MCFD2: variants seen among roughly 807,000 people sequenced by gnomAD.
The protein encoded by MCFD2 is multiple coagulation factor deficiency protein 2.
A neutral mutation model predicts 12.8 loss-of-function variants in MCFD2; 11 were observed. The ratio of observed to expected loss-of-function variants is 0.86; its 90% CI spans 0.54 to 1.42. MCFD2 has a LOEUF of 1.42. MCFD2 is among the 40% of genes most tolerant of loss of function. The probability of loss-of-function intolerance (pLI) is 0.00; values close to 1 mark genes in which losing one functional copy is unlikely to be tolerated. For missense variants in MCFD2, 191 were observed against 178.6 expected, an observed-to-expected ratio of 1.07 and a Z score of -0.40; for synonymous variants, 70 against 68.1, an observed-to-expected ratio of 1.03 and a Z score of -0.14.
chr2:46,921,812 T>C (rs1669118496), intron 1 of MCFD2, among the ~76,000 whole-genome samples: 1 of 152,278 alleles, frequency 6.6e-6, no homozygotes, highest in East Asian at 1.9e-4. Flanking sequence ...ATCCCTTACA[T>C]GCGCAGTTCA....
chr2:46,915,806 G>GCCCC (rs1353981164), upstream of MCFD2: 3 of 512,322 alleles, frequency 5.9e-6, no homozygotes, highest in Admixed American at 7.8e-4. Flanking sequence ...CCTCGGCTTC[G>GCCCC]CCCCGCCCCC....
In MCFD2 at chr2:46,908,763, C is replaced by A. The variant is rs1231928872; in HGVS notation, c.149+260G>T. 5.7e-6 allele frequency: 3 copies of A among 528,352 alleles called. No homozygotes were observed. Among genetic ancestry groups the A allele is most frequent in the Non-Finnish European group, 1.0e-5 (3 of 291,752 alleles). 32.7% of individuals were successfully genotyped at this position (528,352 alleles called of 1,614,324 possible). On this transcript the variant is annotated intron_variant, in intron 2 of 3. Coordinates refer to ENST00000319466, the MANE Select transcript of MCFD2 (RefSeq NM_139279.6). The surrounding 1 kb of genome is among the most constrained non-coding windows in gnomAD (Gnocchi z 4.5). Reference sequence around the variant, plus strand: ...TCTATTTGTATGTGTGTGTGTCTGTCTGTGGTGAAAAAAAGGAGAGACCGG... The same window carrying A: ...TCTATTTGTATGTGTGTGTGTCTGTATGTGGTGAAAAAAAGGAGAGACCGG...
intron 1 of MCFD2, among the ~76,000 whole-genome samples, chr2:46,938,271 GAC>G (rs1489746727): frequency 1.2e-4 from 19 of 152,206 alleles, no homozygotes; most frequent in East Asian, 7.7e-4. Context: ...AAACGTAAAG[GAC>G]AACCTTACAA....
upstream of MCFD2, chr2:46,915,927 C>G: frequency 2.0e-6 from 2 of 985,274 alleles, no homozygotes; most frequent in Non-Finnish European, 2.4e-6. Flanking sequence ...TCGCGTGAGT[C>G]CACGTGTAAT....
At chr2:46,912,661 G>A (rs1321060614) in intron 1 of MCFD2, 1 of 152,250 alleles carries the variant, frequency 6.6e-6, no homozygotes, top group Non-Finnish European at 1.5e-5. Flanking sequence ...GATGACAGCT[G>A]CAAATTAATT....
At chr2:46,922,037 T>G (rs1314746517) in intron 1 of MCFD2, among the ~76,000 whole-genome samples, 1 of 152,212 alleles carries the variant, frequency 6.6e-6, no homozygotes, top group Non-Finnish European at 1.5e-5. Context: ...GATAAGTTTT[T>G]GGATTTTTTT....
chr2:46,931,529 C>G (rs1558480205), intron 1 of MCFD2, among the ~76,000 whole-genome samples: 1 of 151,976 alleles, frequency 6.6e-6, no homozygotes, highest in African/African-American at 2.4e-5. Flanking sequence ...GGGTCAGAGT[C>G]AGAGTAGAGG....
chr2:46,907,645 C>T lies in MCFD2; in HGVS notation c.309+165G>A. 2.7e-6 allele frequency: 2 copies of T among 731,586 alleles called. No individual in the cohort carries two copies. Among genetic ancestry groups the T allele is most frequent in the Non-Finnish European group, 4.7e-6 (2 of 421,964 alleles). The allele number at this position is 731,586 out of a possible 1,614,324, so 45.3% of individuals were successfully genotyped here. ...ACTCCTGGCTCAAGTGATCCTTCCA[C>T]TTTGGCCTCCCAAAGTGCTGGGATT... On this transcript the variant is annotated intron_variant, in intron 3 of 3. Coordinates refer to ENST00000319466, the MANE Select transcript of MCFD2 (RefSeq NM_139279.6). The surrounding 1 kb of genome is among the most constrained non-coding windows in gnomAD (Gnocchi z 4.1).
Position 46,909,080 on chromosome 2 carries a change from G to T in MCFD2, c.92C>A (p.Ala31Asp). Residue 31 changes from alanine (A) to aspartate (D), a missense_variant, in exon 2 of 4, where the codon GCC becomes GAC. Physicochemically the swap from Ala to Asp is moderately radical, Grantham distance 126. Transcript: ENST00000319466. ...CATGCTGCCGGGTTGGGAGAAGCTG[G>T]CTGCAGGCTCCTCAGCCCTGGCGCC... Reference protein sequence around the residue: ...APGARAEEPAASFSQPGSMGL... With the variant: ...APGARAEEPADSFSQPGSMGL... 1.2e-6 allele frequency: 2 copies of T among 1,614,256 alleles called. No individual in the cohort carries two copies. Among genetic ancestry groups the T allele is most frequent in the South Asian group, 2.2e-5 (2 of 91,090 alleles).
At chr2:46,924,268 C>T (rs1669271608) in intron 1 of MCFD2, among the ~76,000 whole-genome samples, 2 of 151,454 alleles carry the variant, frequency 1.3e-5, no homozygotes, top group South Asian at 4.2e-4. Flanking sequence ...CCCTGTAAAC[C>T]AGTAAAACTG....
chr2:46,911,829 G>A (rs1032790220), intron 1 of MCFD2, among the ~76,000 whole-genome samples: 30 of 152,120 alleles, frequency 2.0e-4, no homozygotes, highest in Admixed American at 1.7e-3. Context: ...GGGAGGCTGC[G>A]GCAGGAGAAT....
In MCFD2 at chr2:46,940,173, T is replaced by TC. The variant is rs994366684; in HGVS notation, c.-8+1398dup. On this transcript the variant is annotated intron_variant, in intron 1 of 2. Transcript: ENST00000409147. The surrounding 1 kb of genome is among the most constrained non-coding windows in gnomAD (Gnocchi z 4.7). Reference sequence around the variant, plus strand: ...TTCTGCTTGACATAAAAACCTTCCCTCGGTTACAGTTGTCCAAAAACACTT... The same window carrying TC: ...TTCTGCTTGACATAAAAACCTTCCCTCCGGTTACAGTTGTCCAAAAACACTT... 5.3e-5 allele frequency among the ~76,000 whole-genome samples: 8 copies of TC among 151,906 alleles called. No homozygotes were observed. Among genetic ancestry groups the TC allele is most frequent in the African/African-American group, 1.9e-4 (8 of 41,324 alleles).
chr2:46,924,927 C>T (rs886796047), intron 1 of MCFD2, among the ~76,000 whole-genome samples: 1 of 152,204 alleles, frequency 6.6e-6, no homozygotes, highest in Non-Finnish European at 1.5e-5. Flanking sequence ...CTGCCACAGC[C>T]TTCATTGGAT....
chr2:46,926,138 C>G (rs1669371582), intron 1 of MCFD2, among the ~76,000 whole-genome samples: 1 of 152,214 alleles, frequency 6.6e-6, no homozygotes, highest in African/African-American at 2.4e-5. Flanking sequence ...TCTTAGCATT[C>G]CCTCCACAGA....
chr2:46,939,394 C>T (rs1343830048), intron 1 of MCFD2, among the ~76,000 whole-genome samples: 2 of 152,102 alleles, frequency 1.3e-5, no homozygotes, highest in Non-Finnish European at 2.9e-5. Flanking sequence ...GGTTTTGTCC[C>T]TACTGGAAAA....
intron 1 of MCFD2, chr2:46,912,470 A>G (rs1475142316): frequency 1.3e-5 from 2 of 152,256 alleles, no homozygotes; most frequent in African/African-American, 4.8e-5. Context: ...CTGACCACAC[A>G]TCTTAGAGTT....
At chr2:46,924,847 C>G (rs72886667) in intron 1 of MCFD2, among the ~76,000 whole-genome samples, 4,187 of 152,282 alleles carry the variant, frequency 0.027, 112 homozygotes, top group African/African-American at 0.067. Context: ...AGGCTGGACT[C>G]GAGCTCTGGG....
chr2:46,915,853 C>T (rs970775138), upstream of MCFD2: 4 of 978,142 alleles, frequency 4.1e-6, no homozygotes, highest in Non-Finnish European at 3.6e-6. Flanking sequence ...CGCGCGCTCC[C>T]TGCCGCCCGC....
rs1466496097 is a variant in MCFD2, at chr2:46,903,089, G to A, written c.*2374C>T. ...CACGTGTTGTGGGACAGACCCAGGG[G>A]GAGGTAATTGAATCATGGGGGCCAG... On this transcript the variant is annotated 3_prime_UTR_variant, in exon 4 of 4. Transcript: ENST00000319466. 1.3e-5 allele frequency: 2 copies of A among 152,204 alleles called. No homozygotes were observed. The highest frequency in any genetic ancestry group is 2.9e-5 in the Non-Finnish European group (2 of 68,066). The allele number at this position is 152,204 out of a possible 1,614,324, so 9.4% of individuals were successfully genotyped here. A position where few individuals can be genotyped will look rare whatever the true frequency, so the allele number is the denominator to read the frequency against.
Sources: allele counts gnomAD v4.1 joint callset (sites outside exome capture counted in the v4.1 genomes callset), GRCh38; gene constraint gnomAD v4.1.1; non-coding constraint Gnocchi (gnomAD v3.1); transcripts MANE v1.5; gene names NCBI Gene and HGNC (gene_info 2026-07-23, HGNC 2026-07-21).